The following AFF2 variants were observed in gnomAD, a reference collection of about 807,000 sequenced individuals.
AFF2 encodes AF4/FMR2 family member 2.
AFF2 carries 14 observed loss-of-function variants against 76.9 expected under a neutral mutation model. That is an observed-to-expected ratio of 0.18 (90% CI 0.12 to 0.28). AFF2 has a LOEUF of 0.28. Ranked by LOEUF, AFF2 falls within the 10% of genes least tolerant of loss-of-function variation. The pLI, the probability that AFF2 is intolerant of heterozygous loss-of-function variation, is 1.00. For missense variants in AFF2, 868 were observed against 1,001.1 expected (o/e 0.87, Z 1.79); for synonymous variants, 398 against 366.7 (o/e 1.09, Z -0.98).
Position 148,662,022 on chromosome X carries a change from A to G in AFF2, c.295A>G (p.Lys99Glu). 5 of 1,210,816 alleles carry G rather than the reference A, an allele frequency of 4.1e-6. No individual in the cohort carries two copies. Among genetic ancestry groups the G allele is most frequent in the Non-Finnish European group, 5.6e-6 (5 of 894,558 alleles). ...TCAGAATCACCTAGTGGGAATTCCA[A>G]AGAATTCTGTGCCCCAGAATCCCAA... ...SNQNHLVGIP[K>E]NSVPQNPNNK... is the part of the protein sequence containing the mutation. Residue 99 changes from lysine (K) to glutamate (E), a missense_variant, in exon 3 of 21, where the codon AAG becomes GAG. Physicochemically the swap from Lys to Glu is moderately conservative, Grantham distance 56 (BLOSUM62 1). Around this residue, in one of 6 missense-constraint regions of AFF2, gnomAD observed 196 missense variants for 194.8 expected, o/e 1.01. Transcript: ENST00000370460.
At chrX:148,548,502 T>C (rs782682209) in intron 1 of AFF2, among the ~76,000 whole-genome samples, 2 of 112,091 alleles carry the variant, frequency 1.8e-5, no homozygotes, top group Non-Finnish European at 3.8e-5. Flanking sequence ...TGGTGCAATC[T>C]TGGCTCACTG....
chrX:148,644,302 C>T (rs1331702772), intron 1 of AFF2, among the ~76,000 whole-genome samples: 4 of 111,584 alleles, frequency 3.6e-5, no homozygotes, highest in African/African-American at 1.3e-4. Flanking sequence ...AGACTAGAAT[C>T]TTCTTTATGA....
chrX:148,898,870 G>C (rs1347023832), intron 8 of AFF2, among the ~76,000 whole-genome samples: 1 of 111,437 alleles, frequency 9.0e-6, no homozygotes, highest in East Asian at 2.8e-4. Context: ...CCTGTCAAAA[G>C]TATGTTCCTG....
At chrX:148,564,531 G>A in intron 1 of AFF2, among the ~76,000 whole-genome samples, 1 of 106,635 alleles carries the variant, frequency 9.4e-6, no homozygotes, top group East Asian at 3.0e-4. Context: ...TGACATGGCC[G>A]AAACCTGCCT....
chrX:148,595,978 C>CA (rs782719290), intron 1 of AFF2, among the ~76,000 whole-genome samples: 7 of 111,780 alleles, frequency 6.3e-5, no homozygotes, highest in Non-Finnish European at 1.1e-4. Context: ...TCTAGGGGTG[C>CA]AGTGGCAGGG....
chrX:148,615,557 A>T (rs1368208030), intron 1 of AFF2, among the ~76,000 whole-genome samples: 1 of 111,138 alleles, frequency 9.0e-6, no homozygotes, highest in Non-Finnish European at 1.9e-5. Context: ...GCAGAATATT[A>T]TGAAAGGAGA....
chrX:148,639,305 G>T (rs1443731883), intron 1 of AFF2, among the ~76,000 whole-genome samples: 1 of 112,087 alleles, frequency 8.9e-6, no homozygotes, highest in Non-Finnish European at 1.9e-5. Flanking sequence ...ATTTGGTAAT[G>T]ACATCAATAA....
chrX:148,975,396 G>C (rs371944756), intron 16 of AFF2, among the ~76,000 whole-genome samples: 1 of 112,114 alleles, frequency 8.9e-6, no homozygotes, highest in Non-Finnish European at 1.9e-5. Flanking sequence ...ACTTTGCAGC[G>C]ATTGAAATAC....
intron 3 of AFF2, among the ~76,000 whole-genome samples, chrX:148,699,059 C>T (rs781935060): frequency 5.4e-5 from 6 of 111,661 alleles, no homozygotes; most frequent in Non-Finnish European, 9.4e-5. Flanking sequence ...GCTATTGTTT[C>T]TGTTGGAGTG....
intron 3 of AFF2, among the ~76,000 whole-genome samples, chrX:148,708,220 G>T (rs1480821151): frequency 9.0e-6 from 1 of 111,587 alleles, no homozygotes; most frequent in Non-Finnish European, 1.9e-5. Flanking sequence ...GCACATATTA[G>T]AGTCTGAACT....
In AFF2 at chrX:148,943,790, T is replaced by C. The variant is rs189738252; in HGVS notation, c.1398-9790T>C. On this transcript the variant is annotated intron_variant, in intron 9 of 20. Coordinates refer to ENST00000370460, the MANE Select transcript of AFF2 (RefSeq NM_002025.4). Reference sequence around the variant, plus strand: ...TATAGAGAAGACTTCTTTGTGGCTTTACTCTAGGGTGTATTAAGCACACTA... The same window carrying C: ...TATAGAGAAGACTTCTTTGTGGCTTCACTCTAGGGTGTATTAAGCACACTA... 2.7e-5 allele frequency among the ~76,000 whole-genome samples: 3 copies of C among 112,147 alleles called. No individual in the cohort carries two copies. In the Admixed American group the frequency reaches 2.8e-4, roughly 11 times the overall value.
chrX:148,730,709 A>G (rs182371013), intron 3 of AFF2, among the ~76,000 whole-genome samples: 125 of 112,794 alleles, frequency 1.1e-3, no homozygotes, highest in Non-Finnish European at 2.1e-3. Context: ...CCCAAAGCCA[A>G]TGTTGCATGT....
chrX:148,519,155 C>G (rs1557234201), intron 1 of AFF2, among the ~76,000 whole-genome samples: 1 of 111,354 alleles, frequency 9.0e-6, no homozygotes, highest in African/African-American at 3.3e-5. Context: ...GCTACTCTCC[C>G]AACACACCCC....
At chrX:148,601,512 C>T (rs782426334) in intron 1 of AFF2, among the ~76,000 whole-genome samples, 1 of 111,767 alleles carries the variant, frequency 8.9e-6, no homozygotes, top group Non-Finnish European at 1.9e-5. Flanking sequence ...GTTCATCTTC[C>T]TTTAGTATTC....
intron 8 of AFF2, among the ~76,000 whole-genome samples, chrX:148,895,033 T>C (rs1557280162): frequency 9.0e-6 from 1 of 111,366 alleles, no homozygotes; most frequent in African/African-American, 3.3e-5. Context: ...CAGTCCGGAT[T>C]CATGCCCTTC....
intron 7 of AFF2, among the ~76,000 whole-genome samples, chrX:148,883,529 C>A (rs782506230): frequency 6.6e-4 from 74 of 111,554 alleles, no homozygotes; most frequent in Non-Finnish European, 1.2e-3. Flanking sequence ...TGGTAAGTTA[C>A]CCCAGATATC....
intron 9 of AFF2, among the ~76,000 whole-genome samples, chrX:148,927,497 T>A (rs2071665608): frequency 9.1e-6 from 1 of 110,380 alleles, no homozygotes; most frequent in African/African-American, 3.3e-5. Flanking sequence ...TTTTCTGTCG[T>A]ACATTCTCAC....
intron 4 of AFF2, among the ~76,000 whole-genome samples, chrX:148,832,116 G>C (rs1342488112): frequency 2.7e-5 from 3 of 111,393 alleles, no homozygotes; most frequent in African/African-American, 9.8e-5. Flanking sequence ...GATACCTTTT[G>C]GGAGTACACT....
chrX:148,592,510 T>G (rs921206311), intron 1 of AFF2, among the ~76,000 whole-genome samples: 2 of 111,563 alleles, frequency 1.8e-5, no homozygotes, highest in Non-Finnish European at 3.8e-5. Context: ...AAAAGTATAT[T>G]TTTCATAAGT....
Sources: allele counts gnomAD v4.1 joint callset (sites outside exome capture counted in the v4.1 genomes callset), GRCh38; gene constraint gnomAD v4.1.1; regional missense constraint gnomAD v4.1.1; transcripts MANE v1.5; gene names NCBI Gene and HGNC (gene_info 2026-07-23, HGNC 2026-07-21).